Variants in TMCO1 observed in about 807,000 individuals in gnomAD.
TMCO1 encodes calcium load-activated calcium channel.
A neutral mutation model predicts 29.3 loss-of-function variants in TMCO1; 29 were observed. The ratio of observed to expected loss-of-function variants is 0.99; its 90% CI spans 0.74 to 1.35. TMCO1 has a LOEUF of 1.35. Among genes scored for constraint, TMCO1 ranks in the 40% most tolerant of loss-of-function variants. The pLI is 0.00. For missense variants in TMCO1, 173 were observed against 225.5 expected, an observed-to-expected ratio of 0.77 and a Z score of 1.49; for synonymous variants, 80 against 77.1, an observed-to-expected ratio of 1.04 and a Z score of -0.20.
chr1:165,768,212 A>C lies in TMCO1; in HGVS notation c.128T>G (p.Val43Gly). 6.2e-7 allele frequency: 1 copy of C among 1,613,788 alleles called. No homozygotes were observed. The highest frequency in any genetic ancestry group is 8.5e-7 in the Non-Finnish European group (1 of 1,179,938). ...TDKYKRLKAE[V>G]EKQSKKLEKK... is the part of the protein sequence containing the mutation. ...CTCACATTTTTTACTCTGTTTTTCCACTTCTGCCTTCAGTCTCTTGTACTT... is the reference window on the plus strand; with the variant it reads ...CTCACATTTTTTACTCTGTTTTTCCCCTTCTGCCTTCAGTCTCTTGTACTT... Residue 43 changes from valine (V) to glycine (G), a missense_variant, in exon 2 of 7, where the codon GTG becomes GGG. By Grantham distance (109) the Val-to-Gly change is moderately radical. Coordinates refer to ENST00000367881, the MANE Select transcript of TMCO1 (RefSeq NM_019026.6).
chr1:165,763,154 G>T (rs980797404), intron 2 of TMCO1, among the ~76,000 whole-genome samples: 8 of 152,082 alleles, frequency 5.3e-5, no homozygotes, highest in Non-Finnish European at 7.4e-5. Context: ...TTATATTTTT[G>T]ATATTCTTCA....
intron 6 of TMCO1, among the ~76,000 whole-genome samples, chr1:165,734,485 T>C (rs565118439): frequency 1.3e-5 from 2 of 152,254 alleles, no homozygotes; most frequent in African/African-American, 4.8e-5. Context: ...TTTTAATTTT[T>C]AAAATAAATT....
chr1:165,765,149 G>C (rs1652522507), intron 2 of TMCO1, among the ~76,000 whole-genome samples: 1 of 152,100 alleles, frequency 6.6e-6, no homozygotes, highest in South Asian at 2.1e-4. Context: ...CTAGCAGGTA[G>C]AAATACACAA....
chr1:165,733,697 A>G (rs1035393044), intron 6 of TMCO1, among the ~76,000 whole-genome samples: 1 of 152,250 alleles, frequency 6.6e-6, no homozygotes, highest in Admixed American at 6.5e-5. Flanking sequence ...TGCAAAATAT[A>G]GTAAGATGCA....
chr1:165,765,788 A>G (rs1018337533), intron 2 of TMCO1, among the ~76,000 whole-genome samples: 6 of 152,234 alleles, frequency 3.9e-5, no homozygotes, highest in Non-Finnish European at 7.3e-5. Context: ...GAAGCAGGGT[A>G]AGTGAGAAGA....
At chr1:165,752,190 T>C (rs1344627545) in intron 4 of TMCO1, 21 bp from the exon 5 acceptor site, 11 of 1,605,654 alleles carry the variant, frequency 6.9e-6, no homozygotes, top group African/African-American at 4.0e-5. Context: ...ACGAACAAAT[T>C]GTCATTTTAC....
At chr1:165,731,901 A>T (rs1651174307) in intron 6 of TMCO1, among the ~76,000 whole-genome samples, 1 of 152,268 alleles carries the variant, frequency 6.6e-6, no homozygotes, top group Non-Finnish European at 1.5e-5. Flanking sequence ...TATCGGTGTT[A>T]CATTACACAG....
intron 5 of TMCO1, among the ~76,000 whole-genome samples, chr1:165,749,743 T>C (rs1651930379): frequency 6.6e-6 from 1 of 152,008 alleles, no homozygotes; most frequent in African/African-American, 2.4e-5. Flanking sequence ...ATTACTTACC[T>C]AATGGAAAAG....
chr1:165,757,502 A>G (rs540114668), intron 3 of TMCO1, among the ~76,000 whole-genome samples: 64 of 152,206 alleles, frequency 4.2e-4, no homozygotes, highest in African/African-American at 1.5e-3. Context: ...CATAAATACT[A>G]CTTCCTTTTT....
chr1:165,734,794 C>T (rs1330071041), intron 6 of TMCO1, among the ~76,000 whole-genome samples: 1 of 152,182 alleles, frequency 6.6e-6, no homozygotes, highest in South Asian at 2.1e-4. Context: ...TGAGCCACCG[C>T]GCTCGGCCCA....
At chr1:165,752,005 C>T in intron 5 of TMCO1, 97 bp downstream of exon 5, 2 of 976,130 alleles carry the variant, frequency 2.0e-6, no homozygotes, top group East Asian at 2.6e-5. Flanking sequence ...TTTGAAATTA[C>T]ATCAAAATAA....
At chr1:165,728,839 G>A (rs1194360534) in intron 6 of TMCO1, among the ~76,000 whole-genome samples, 7 of 151,754 alleles carry the variant, frequency 4.6e-5, no homozygotes. Flanking sequence ...GCTCACGCCT[G>A]TAATCCCAGC....
chr1:165,735,815 C>A lies in TMCO1; in HGVS notation c.468+7352G>T, dbSNP rs1176209625. Among the ~76,000 whole-genome samples, 4 of 152,154 alleles carry A rather than the reference C, an allele frequency of 2.6e-5. No individual in the cohort carries two copies. In the East Asian group the frequency reaches 7.7e-4, roughly 29 times the overall value. On this transcript the variant is annotated intron_variant, in intron 6 of 6. Transcript: ENST00000367881. Reference sequence around the variant, plus strand: ...CAGGCATGAGCCACCACGCCTGGGTCTGCTTAATTCTTAAACTATGTACAA... The same window carrying A: ...CAGGCATGAGCCACCACGCCTGGGTATGCTTAATTCTTAAACTATGTACAA...
chr1:165,767,988 C>T (rs1040497055), intron 2 of TMCO1, among the ~76,000 whole-genome samples: 1 of 152,306 alleles, frequency 6.6e-6, no homozygotes, highest in Non-Finnish European at 1.5e-5. Flanking sequence ...TTTAGAACCA[C>T]CACAGCACAT....
At chr1:165,744,672 C>G (rs964619133) in intron 5 of TMCO1, among the ~76,000 whole-genome samples, 1 of 151,750 alleles carries the variant, frequency 6.6e-6, no homozygotes, top group Non-Finnish European at 1.5e-5. Context: ...TGCCTGTAAT[C>G]CCAGCTACTC....
rs181923582 is a variant in TMCO1, at chr1:165,731,969, T to G, written c.469-3848A>C. 1.6e-4 allele frequency among the ~76,000 whole-genome samples: 24 copies of G among 152,366 alleles called. No individual in the cohort carries two copies. The East Asian group carries it at 4.4e-3, about 28-fold the overall frequency. The stretch of plus-strand genomic sequence containing the variant: ...TACTGCATGCAATTTTATCCTTTCG[T>G]GAAATTCTAAACTAATCTGTTTAAA... On this transcript the variant is annotated intron_variant, in intron 6 of 6. Transcript: ENST00000367881.
At chr1:165,740,672 G>C (rs1651560776) in intron 6 of TMCO1, among the ~76,000 whole-genome samples, 1 of 152,210 alleles carries the variant, frequency 6.6e-6, no homozygotes, top group South Asian at 2.1e-4. Flanking sequence ...GCTATGGTTT[G>C]AATGTGTCCC....
In TMCO1 at chr1:165,727,570, T is replaced by C. The variant is rs1650953547; in HGVS notation, c.*453A>G. ...TAAAACAGCTAAAAATTTGGCCTCTTTATTGATCTTATGTCATGTATTTGG... is the reference window on the plus strand; with the variant it reads ...TAAAACAGCTAAAAATTTGGCCTCTCTATTGATCTTATGTCATGTATTTGG... On this transcript the variant is annotated 3_prime_UTR_variant, in exon 7 of 7. Transcript: ENST00000367881. 1 of 453,710 alleles carries C rather than the reference T, an allele frequency of 2.2e-6. No homozygotes were observed. The highest frequency in any genetic ancestry group is 2.0e-5 in the African/African-American group (1 of 49,932). 28.1% of individuals were successfully genotyped at this position (453,710 alleles called of 1,614,324 possible).
chr1:165,751,964 G>A (rs1189737541), intron 5 of TMCO1, 138 bp downstream of exon 5: 19 of 703,236 alleles, frequency 2.7e-5, no homozygotes, highest in Admixed American at 2.5e-5. Context: ...TGTAGGTAAT[G>A]GATATACTAT....
Sources: allele counts gnomAD v4.1 joint callset (sites outside exome capture counted in the v4.1 genomes callset), GRCh38; gene constraint gnomAD v4.1.1; transcripts MANE v1.5; gene names NCBI Gene and HGNC (gene_info 2026-07-23, HGNC 2026-07-21).